Variants in DLGAP2 observed in about 807,000 individuals in gnomAD.
DLGAP2 encodes DLG associated protein 2.
In DLGAP2, 26 loss-of-function variants were observed where a neutral mutation model predicts 100.3. The observed-to-expected ratio is 0.26, with a 90% CI of 0.19 to 0.36. The LOEUF (loss-of-function observed/expected upper bound fraction) is 0.36. Ranked by LOEUF, DLGAP2 falls within the 10% of genes least tolerant of loss-of-function variation. DLGAP2 has a pLI of 1.00. For missense variants in DLGAP2, 1,858 were observed against 1,453.2 expected, an observed-to-expected ratio of 1.28 and a Z score of -4.53; for synonymous variants, 886 against 630.1, an observed-to-expected ratio of 1.41 and a Z score of -6.08.
chr8:1,258,755 TA>T, intron 2 of DLGAP2, 95 bp from the exon 3 acceptor site: 1 of 1,096,964 alleles, frequency 9.1e-7, no homozygotes, highest in Non-Finnish European at 1.2e-6. Context: ...GGCGTCATCT[TA>T]AAGTTGTAGT....
At chr8:1,221,695 G>A (rs944081114) in intron 2 of DLGAP2, among the ~76,000 whole-genome samples, 63 of 152,104 alleles carry the variant, frequency 4.1e-4, no homozygotes, top group South Asian at 8.3e-4. Context: ...TATATTTTCC[G>A]AGTTGCTTGC....
At chr8:1,005,670 T>C (rs1176011806) in intron 2 of DLGAP2, among the ~76,000 whole-genome samples, 2 of 151,938 alleles carry the variant, frequency 1.3e-5, no homozygotes, top group African/African-American at 2.4e-5. Context: ...TTCTCCTGCC[T>C]TGGACTCCCA....
chr8:1,173,308 G>A (rs1158656868), intron 2 of DLGAP2, among the ~76,000 whole-genome samples: 3 of 152,216 alleles, frequency 2.0e-5, no homozygotes, highest in African/African-American at 7.2e-5. Context: ...GGTGCCTCCA[G>A]TTAGGCTGCT....
chr8:1,140,285 C>G (rs1435401367), intron 2 of DLGAP2, among the ~76,000 whole-genome samples: 2 of 152,216 alleles, frequency 1.3e-5, no homozygotes, highest in Admixed American at 6.5e-5. Context: ...CACCTCTGCT[C>G]CTTGGGAGGC....
intron 2 of DLGAP2, among the ~76,000 whole-genome samples, chr8:925,107 G>A (rs1287689173): frequency 6.6e-6 from 1 of 152,114 alleles, no homozygotes. Context: ...GTAGGTGCGC[G>A]TGGGTGATGG....
At chr8:1,332,730 C>G (rs954051946) in intron 3 of DLGAP2, among the ~76,000 whole-genome samples, 6 of 152,226 alleles carry the variant, frequency 3.9e-5, no homozygotes, top group African/African-American at 1.2e-4. Context: ...AGCTCAGCCT[C>G]ACCTCTCACG....
At chr8:1,106,048 C>A (rs1358278222) in intron 2 of DLGAP2, among the ~76,000 whole-genome samples, 1 of 147,320 alleles carries the variant, frequency 6.8e-6, no homozygotes, top group African/African-American at 2.6e-5. Context: ...TGAAGGGAGC[C>A]ATTCCAGGAG....
chr8:958,788 A>C (rs1401953375), intron 2 of DLGAP2, among the ~76,000 whole-genome samples: 4 of 152,162 alleles, frequency 2.6e-5, no homozygotes, highest in African/African-American at 7.2e-5. Context: ...TTGAAATGGA[A>C]AGGGCATATT....
At chr8:1,387,848 AGTCT>A (rs1473942891) in intron 3 of DLGAP2, among the ~76,000 whole-genome samples, 3 of 152,206 alleles carry the variant, frequency 2.0e-5, no homozygotes, top group Non-Finnish European at 4.4e-5. Flanking sequence ...CAGTGATGTC[AGTCT>A]AAGAGCCTGT....
chr8:1,617,296 T>G (rs1584999191), intron 6 of DLGAP2, among the ~76,000 whole-genome samples: 1 of 152,232 alleles, frequency 6.6e-6, no homozygotes, highest in Admixed American at 6.5e-5. Context: ...CTTTGAGGAT[T>G]TGCCACTCTG....
At chr8:1,245,222 A>T (rs1340256659) in intron 2 of DLGAP2, among the ~76,000 whole-genome samples, 1 of 152,192 alleles carries the variant, frequency 6.6e-6, no homozygotes, top group Admixed American at 6.5e-5. Flanking sequence ...CCATGTGACC[A>T]TAAATCCCAT....
At chr8:1,577,919 G>T (rs146707673) in intron 6 of DLGAP2, among the ~76,000 whole-genome samples, 1 of 152,378 alleles carries the variant, frequency 6.6e-6, no homozygotes, top group African/African-American at 2.4e-5. Context: ...CAGCGCGAGT[G>T]CTCATAGCTG....
intron 4 of DLGAP2, among the ~76,000 whole-genome samples, chr8:1,504,811 T>C (rs1219963928): frequency 6.6e-6 from 1 of 152,202 alleles, no homozygotes. Context: ...GTGTTGGCTG[T>C]GGTGAACAGC....
At chr8:1,353,122 A>G (rs967981920) in intron 3 of DLGAP2, among the ~76,000 whole-genome samples, 5 of 152,190 alleles carry the variant, frequency 3.3e-5, no homozygotes, top group Admixed American at 6.5e-5. Context: ...GGAGTTTGCA[A>G]ATCCCTAAGG....
intron 4 of DLGAP2, among the ~76,000 whole-genome samples, chr8:1,540,414 T>G (rs1563209424): frequency 6.6e-6 from 1 of 152,184 alleles, no homozygotes; most frequent in African/African-American, 2.4e-5. Context: ...TTTGAATGGC[T>G]GGGTTGAGTC....
At chr8:1,524,692 A>G (rs1425408933) in intron 4 of DLGAP2, among the ~76,000 whole-genome samples, 2 of 152,086 alleles carry the variant, frequency 1.3e-5, no homozygotes, top group African/African-American at 4.8e-5. Flanking sequence ...AAACCTTCTC[A>G]TTGCCTTTCC....
At chr8:1,601,045 AT>A (rs1342919319) in intron 6 of DLGAP2, among the ~76,000 whole-genome samples, 3 of 152,002 alleles carry the variant, frequency 2.0e-5, no homozygotes, top group African/African-American at 7.3e-5. Flanking sequence ...TGACTTTCGG[AT>A]AGGGTTTTGG....
chr8:904,286 G>A (rs968332724), intron 1 of DLGAP2, among the ~76,000 whole-genome samples: 6 of 152,212 alleles, frequency 3.9e-5, no homozygotes, highest in African/African-American at 1.2e-4. Flanking sequence ...TTGGGAGGCC[G>A]AGGTGGGTGG....
chr8:1,595,914 C>T (rs1796444543), intron 6 of DLGAP2, among the ~76,000 whole-genome samples: 1 of 151,520 alleles, frequency 6.6e-6, no homozygotes. Flanking sequence ...GGTACATGTG[C>T]ACAACGGGCA....
Sources: gnomAD v4.1 joint callset for allele counts (sites outside exome capture counted in the v4.1 genomes callset) on GRCh38, gnomAD v4.1.1 for gene constraint, MANE v1.5 for transcripts, NCBI Gene and HGNC (gene_info 2026-07-23, HGNC 2026-07-21) for gene names.